MAN2A1: variants seen among roughly 807,000 people sequenced by gnomAD.
MAN2A1 encodes alpha-mannosidase 2.
In MAN2A1, 76 loss-of-function variants were observed where a neutral mutation model predicts 142.6. That is an observed-to-expected ratio of 0.53 (90% confidence interval 0.44 to 0.65). The LOEUF (loss-of-function observed/expected upper bound fraction) is 0.65, where lower values mean the gene tolerates loss of function less well. MAN2A1 is among the 30% of genes least tolerant of loss of function. The pLI is 0.00. For synonymous variants in MAN2A1, 559 were observed against 473.2 expected, an observed-to-expected ratio of 1.18 and a Z score of -2.35; for missense variants, 1,311 against 1,365.1, an observed-to-expected ratio of 0.96 and a Z score of 0.62.
intron 1 of MAN2A1, among the ~76,000 whole-genome samples, chr5:109,702,054 C>T (rs1294050510): frequency 1.3e-5 from 2 of 151,978 alleles, no homozygotes; most frequent in Non-Finnish European, 2.9e-5. Context: ...GAGGGCAGGG[C>T]CAAGTACATT....
chr5:109,833,771 A>T (rs1053482074), intron 16 of MAN2A1, among the ~76,000 whole-genome samples: 2 of 152,206 alleles, frequency 1.3e-5, no homozygotes, highest in African/African-American at 2.4e-5. Context: ...CTCCTGAGTT[A>T]GATGCCATAA....
intron 4 of MAN2A1, among the ~76,000 whole-genome samples, chr5:109,753,220 G>A (rs761812119): frequency 2.5e-4 from 38 of 152,170 alleles, no homozygotes; most frequent in Non-Finnish European, 4.9e-4. Context: ...CTCAGGCTGC[G>A]AAGCATAACG....
chr5:109,796,153 G>C (rs1162578524), intron 12 of MAN2A1, among the ~76,000 whole-genome samples: 1 of 152,178 alleles, frequency 6.6e-6, no homozygotes, highest in East Asian at 1.9e-4. Flanking sequence ...ATGTTGGCGA[G>C]ATGACTGCAA....
At chr5:109,762,969 A>G (rs1367861406) in intron 5 of MAN2A1, among the ~76,000 whole-genome samples, 3 of 152,254 alleles carry the variant, frequency 2.0e-5, no homozygotes, top group African/African-American at 7.2e-5. Context: ...AAGGCTGCAA[A>G]AGCAGAAATA....
Position 109,755,507 on chromosome 5 carries a change from G to A in MAN2A1, c.835+51G>A, listed in dbSNP as rs777489662. The stretch of plus-strand genomic sequence containing the variant: ...GGGCTATTTTGGACAGTTAATTTTC[G>A]GGATGTGAAGTGAGGCTCTGTTCTT... On this transcript the variant is annotated intron_variant, in intron 5 of 21. Coordinates refer to ENST00000261483, the MANE Select transcript of MAN2A1 (RefSeq NM_002372.4). 1.6e-5 allele frequency: 23 copies of A among 1,449,624 alleles called. No homozygotes were observed. The African/African-American group carries it at 2.3e-4, about 14-fold the overall frequency. 89.8% of individuals were successfully genotyped at this position (1,449,624 alleles called of 1,614,324 possible).
Position 109,690,494 on chromosome 5 carries a change from T to C in MAN2A1, c.77T>C (p.Leu26Pro). The change falls in exon 1 of 22, where the codon CTG becomes CCG. Residue 26 changes from leucine to proline, a missense_variant. By Grantham distance (98) the Leu-to-Pro change is moderately conservative (BLOSUM62 -3). Transcript: ENST00000261483. ...GTGATTTTCTCGCTCTACCTGATGC[T>C]GGACCGGGGTCACTTAGACTACCCC... The part of the protein sequence containing the change: ...CVVIFSLYLM[L>P]DRGHLDYPRN... The C allele has an allele frequency of 6.2e-7, 1 of 1,613,914 alleles. No individual in the cohort carries two copies. The highest frequency in any genetic ancestry group is 8.5e-7 in the Non-Finnish European group (1 of 1,179,884).
intron 2 of MAN2A1, among the ~76,000 whole-genome samples, chr5:109,715,552 C>T (rs913754748): frequency 6.6e-6 from 1 of 151,908 alleles, no homozygotes; most frequent in Non-Finnish European, 1.5e-5. Context: ...AAATTTTTCT[C>T]AATTTTTAGA....
chr5:109,795,302 A>G (rs1454690867), intron 12 of MAN2A1, among the ~76,000 whole-genome samples: 1 of 152,134 alleles, frequency 6.6e-6, no homozygotes, highest in Non-Finnish European at 1.5e-5. Context: ...TAGCATTTCT[A>G]TGTATTTTAT....
chr5:109,744,163 T>C (rs748817323), intron 4 of MAN2A1, among the ~76,000 whole-genome samples: 15 of 152,178 alleles, frequency 9.9e-5, no homozygotes, highest in Non-Finnish European at 1.9e-4. Context: ...TATTGTGTTA[T>C]GCTCCAGAAA....
At chr5:109,777,875 G>T (rs1301447371) in intron 8 of MAN2A1, among the ~76,000 whole-genome samples, 1 of 152,084 alleles carries the variant, frequency 6.6e-6, no homozygotes, top group Non-Finnish European at 1.5e-5. Context: ...GCATTTGTGT[G>T]TGGGTCTGTG....
At chr5:109,751,794 T>G (rs78061236) in intron 4 of MAN2A1, among the ~76,000 whole-genome samples, 2,804 of 152,110 alleles carry the variant, frequency 0.018, 33 homozygotes, top group Middle Eastern at 0.071. Context: ...CATTTAACAT[T>G]TCTTATCTCC....
chr5:109,837,092 T>C (rs1755075992), intron 16 of MAN2A1, among the ~76,000 whole-genome samples: 1 of 147,986 alleles, frequency 6.8e-6, no homozygotes, highest in Non-Finnish European at 1.5e-5. Flanking sequence ...GTCTTCCCAT[T>C]TTTTTGTTCC....
In MAN2A1 at chr5:109,716,154, A is replaced by G. The variant is rs1751446315; in HGVS notation, c.425A>G (p.Asn142Ser). Reference sequence around the variant, plus strand: ...GTTTACAGTCTAATTTCTTTTGACAATCCAGATGGTGGAGTTTGGAAGCAA... The same window carrying G: ...GTTTACAGTCTAATTTCTTTTGACAGTCCAGATGGTGGAGTTTGGAAGCAA... ...LDVYSLISFD[N>S]PDGGVWKQGF... The change falls in exon 3 of 22, where the codon AAT becomes AGT. Residue 142 changes from asparagine (N) to serine (S), a missense_variant. Physicochemically the swap from Asn to Ser is conservative, Grantham distance 46 (BLOSUM62 1). Coordinates refer to ENST00000261483, the MANE Select transcript of MAN2A1 (RefSeq NM_002372.4). 6.2e-7 allele frequency: 1 copy of G among 1,611,968 alleles called. No homozygotes were observed.
Position 109,867,154 on chromosome 5 carries a change from TAAGAA to T in MAN2A1, c.*159_*163del. 1 of 104,696 alleles carries T rather than the reference TAAGAA, an allele frequency of 9.6e-6. No individual in the cohort carries two copies. Among genetic ancestry groups the T allele is most frequent in the Non-Finnish European group, 1.7e-5 (1 of 59,882 alleles). The allele number at this position is 104,696 out of a possible 1,614,324, so 6.5% of individuals were successfully genotyped here. The stretch of plus-strand genomic sequence containing the variant: ...TTTCTTTTTTCTTTTACCAGTACAG[TAAGAA>T]AAAAAAAAAAAAAAAAAAAGCCATG... On this transcript the variant is annotated 3_prime_UTR_variant, in exon 22 of 22. Transcript: ENST00000261483.
rs1318585834 is a variant in MAN2A1 at position 109,836,485 on chromosome 5, C to T, written c.2567-5843C>T. On this transcript the variant is annotated intron_variant, in intron 16 of 21. Coordinates refer to ENST00000261483, the MANE Select transcript of MAN2A1 (RefSeq NM_002372.4). ...GTTTCCTTAGACTGGTGCTAAGCAA[C>T]AGTTAAAAGGGTGATGCCTTTTGTT... Among the ~76,000 whole-genome samples, 4 of 152,238 alleles carry T rather than the reference C, an allele frequency of 2.6e-5. No homozygotes were observed. In the East Asian group the frequency reaches 7.7e-4, roughly 29 times the overall value.
At chr5:109,816,203 A>G (rs1221709014) in intron 12 of MAN2A1, among the ~76,000 whole-genome samples, 2 of 152,204 alleles carry the variant, frequency 1.3e-5, no homozygotes, top group Non-Finnish European at 2.9e-5. Flanking sequence ...ATTTTAGGAA[A>G]AATAAAGTCC....
In MAN2A1 at chr5:109,710,776, C is replaced by T. The variant is rs929788717; in HGVS notation, c.136-2744C>T. Among the ~76,000 whole-genome samples the T allele has an allele frequency of 1.5e-4, 23 of 152,154 alleles. No homozygotes were observed. In the South Asian group the frequency reaches 1.9e-3, roughly 12 times the overall value. On this transcript the variant is annotated intron_variant, in intron 1 of 21. Transcript: ENST00000261483. ...TGCGATCTTGGCTCACCACAACCTC[C>T]GCCTCCCGGGTTCAAGTGGCTCTCC... is the stretch of plus-strand genomic sequence containing the variant.
At chr5:109,792,603 C>T (rs1753763355) in intron 12 of MAN2A1, among the ~76,000 whole-genome samples, 2 of 152,118 alleles carry the variant, frequency 1.3e-5, no homozygotes, top group Admixed American at 1.3e-4. Flanking sequence ...TAATCTAAAA[C>T]TTAATGTCTT....
chr5:109,713,225 G>A (rs778283417), intron 1 of MAN2A1, among the ~76,000 whole-genome samples: 7 of 152,128 alleles, frequency 4.6e-5, no homozygotes, highest in Non-Finnish European at 7.4e-5. Context: ...AGATATTTTA[G>A]GACTGAGTTT....
Sources: allele counts gnomAD v4.1 joint callset (sites outside exome capture counted in the v4.1 genomes callset), GRCh38; gene constraint gnomAD v4.1.1; transcripts MANE v1.5; gene names NCBI Gene and HGNC (gene_info 2026-07-23, HGNC 2026-07-21).